CSMD3: variants seen among roughly 807,000 people sequenced by gnomAD.
The protein encoded by CSMD3 is CUB and sushi domain-containing protein 3.
CSMD3 carries 177 observed loss-of-function variants against 435.2 expected under a neutral mutation model. The ratio of observed to expected loss-of-function variants is 0.41; its 90% confidence interval spans 0.36 to 0.46. CSMD3 has a LOEUF of 0.46. Among genes scored for constraint, CSMD3 ranks in the 20% least tolerant of loss-of-function variants. The pLI is 0.34. For missense variants in CSMD3, 4,265 were observed against 4,504.6 expected, an observed-to-expected ratio of 0.95 and a Z score of 1.52; for synonymous variants, 1,656 against 1,520.5, an observed-to-expected ratio of 1.09 and a Z score of -2.07.
chr8:112,812,311 G>A (rs965300691), intron 12 of CSMD3, among the ~76,000 whole-genome samples: 4 of 152,150 alleles, frequency 2.6e-5, no homozygotes, highest in Admixed American at 2.6e-4. Context: ...AAGTACACAA[G>A]CATAGAACTT....
At chr8:112,412,223 G>A (rs1300864235) in intron 32 of CSMD3, among the ~76,000 whole-genome samples, 2 of 151,872 alleles carry the variant, frequency 1.3e-5, no homozygotes, top group African/African-American at 4.8e-5. Context: ...TCATAATTAT[G>A]CTCTTTTTAA....
At chr8:112,518,021 A>C (rs947939667) in intron 27 of CSMD3, among the ~76,000 whole-genome samples, 4 of 152,216 alleles carry the variant, frequency 2.6e-5, no homozygotes, top group African/African-American at 7.2e-5. Context: ...CCCAAATGTC[A>C]TTCAACAGGT....
intron 2 of CSMD3, among the ~76,000 whole-genome samples, chr8:113,300,249 A>G (rs1285487283): frequency 1.3e-5 from 2 of 152,062 alleles, no homozygotes; most frequent in African/African-American, 4.8e-5. Flanking sequence ...AATTAGTTCA[A>G]CCTCTATGGA....
At chr8:112,408,828 T>C (rs1444618048) in intron 33 of CSMD3, 91 bp downstream of exon 33, 34 of 1,597,438 alleles carry the variant, frequency 2.1e-5, no homozygotes, top group Non-Finnish European at 2.8e-5. Context: ...ATTTCTTATA[T>C]TGATGATATA....
intron 12 of CSMD3, among the ~76,000 whole-genome samples, chr8:112,807,952 AATAGTGTGT>A (rs1484953310): frequency 6.6e-6 from 1 of 152,180 alleles, no homozygotes; most frequent in Non-Finnish European, 1.5e-5. Context: ...TCATTTGATT[AATAGTGTGT>A]CATTGACATA....
At chr8:113,270,866 C>A (rs1427124720) in intron 3 of CSMD3, among the ~76,000 whole-genome samples, 1 of 151,834 alleles carries the variant, frequency 6.6e-6, no homozygotes, top group Non-Finnish European at 1.5e-5. Context: ...AAGAGATATA[C>A]CTAATGTAAA....
intron 10 of CSMD3, among the ~76,000 whole-genome samples, chr8:112,903,508 T>C (rs182508536): frequency 9.6e-4 from 145 of 151,274 alleles, no homozygotes; most frequent in African/African-American, 3.1e-3. Context: ...AACCCTGGCA[T>C]GAGGGGATAG....
At chr8:112,615,964 T>A (rs1833630388) in intron 22 of CSMD3, among the ~76,000 whole-genome samples, 1 of 152,128 alleles carries the variant, frequency 6.6e-6, no homozygotes, top group African/African-American at 2.4e-5. Context: ...AGCAGATACT[T>A]CCATGAACAG....
intron 22 of CSMD3, among the ~76,000 whole-genome samples, chr8:112,600,600 A>G (rs1832251515): frequency 6.6e-6 from 1 of 152,222 alleles, no homozygotes; most frequent in Admixed American, 6.5e-5. Flanking sequence ...TTTTAGTCAA[A>G]CGGTCAAACC....
intron 9 of CSMD3, among the ~76,000 whole-genome samples, chr8:112,940,779 T>C: frequency 6.6e-6 from 1 of 151,852 alleles, no homozygotes; most frequent in Non-Finnish European, 1.5e-5. Context: ...AAATATTGAT[T>C]ACGTGCAAAC....
intron 16 of CSMD3, among the ~76,000 whole-genome samples, chr8:112,680,255 G>A (rs1234752371): frequency 6.6e-6 from 1 of 152,180 alleles, no homozygotes; most frequent in African/African-American, 2.4e-5. Flanking sequence ...CTACTCAGGA[G>A]GCTGAGGCAC....
At chr8:112,423,644 C>A (rs1475104535) in intron 32 of CSMD3, among the ~76,000 whole-genome samples, 14 of 152,210 alleles carry the variant, frequency 9.2e-5, no homozygotes, top group African/African-American at 3.4e-4. Flanking sequence ...AGAGTTTCAC[C>A]ATGTTGCCCA....
intron 4 of CSMD3, among the ~76,000 whole-genome samples, chr8:113,107,999 CTG>C (rs1272932589): frequency 6.6e-5 from 10 of 152,256 alleles, no homozygotes; most frequent in Admixed American, 5.2e-4. Context: ...ATTCTGATCT[CTG>C]AGAATCTACA....
At chr8:113,226,718 A>G (rs1356571697) in intron 3 of CSMD3, among the ~76,000 whole-genome samples, 2 of 151,654 alleles carry the variant, frequency 1.3e-5, no homozygotes, top group African/African-American at 4.8e-5. Flanking sequence ...AGTGCACGGG[A>G]CTAGGATTAA....
intron 4 of CSMD3, among the ~76,000 whole-genome samples, chr8:113,129,873 G>T (rs971463449): frequency 7.9e-5 from 12 of 151,962 alleles, no homozygotes; most frequent in Non-Finnish European, 1.3e-4. Flanking sequence ...TTTTTACAAA[G>T]ATAGGAAGAA....
At chr8:113,386,452 T>C (rs1445744001) in intron 1 of CSMD3, among the ~76,000 whole-genome samples, 17 of 151,950 alleles carry the variant, frequency 1.1e-4, no homozygotes, top group Non-Finnish European at 4.4e-5. Flanking sequence ...GATCACTACA[T>C]GCACATAGGA....
chr8:113,383,997 TTCTTACGG>T (rs1442488058), intron 1 of CSMD3, among the ~76,000 whole-genome samples: 8 of 152,272 alleles, frequency 5.3e-5, no homozygotes, highest in African/African-American at 1.9e-4. Flanking sequence ...ACATTATTAT[TTCTTACGG>T]ACTTTAGAAA....
chr8:112,497,791 AACATTT>A (rs942660175), intron 30 of CSMD3, among the ~76,000 whole-genome samples: 36 of 152,198 alleles, frequency 2.4e-4, no homozygotes, highest in African/African-American at 8.7e-4. Flanking sequence ...TTACAGAGGA[AACATTT>A]ACCAAAATAA....
At chr8:113,179,753 T>C (rs972591340) in intron 3 of CSMD3, among the ~76,000 whole-genome samples, 13 of 151,702 alleles carry the variant, frequency 8.6e-5, no homozygotes, top group East Asian at 5.8e-4. Flanking sequence ...TAAAGGACTA[T>C]AGGAGAACAA....
Sources: allele counts gnomAD v4.1 joint callset (sites outside exome capture counted in the v4.1 genomes callset), GRCh38; gene constraint gnomAD v4.1.1; transcripts MANE v1.5; gene names NCBI Gene and HGNC (gene_info 2026-07-23, HGNC 2026-07-21).